Variants in DMXL1 observed in about 807,000 individuals in gnomAD.
DMXL1 encodes Dmx like 1.
DMXL1 carries 99 observed loss-of-function variants against 319.2 expected under a neutral mutation model. The observed-to-expected ratio is 0.31, with a 90% CI of 0.26 to 0.37. DMXL1 has a LOEUF of 0.37. Ranked by LOEUF, DMXL1 falls within the 10% of genes least tolerant of loss-of-function variation. DMXL1 has a pLI of 1.00. For missense variants in DMXL1, 3,745 were observed against 3,595.6 expected (o/e 1.04, Z -1.06); for synonymous variants, 1,385 against 1,235.2 (o/e 1.12, Z -2.54).
intron 34 of DMXL1, among the ~76,000 whole-genome samples, chr5:119,212,191 C>A (rs1348767323): frequency 6.6e-6 from 1 of 152,168 alleles, no homozygotes; most frequent in African/African-American, 2.4e-5. Flanking sequence ...AACTTTGTGC[C>A]CGCTAAACAA....
In DMXL1 at chr5:119,134,342, A is replaced by T. The variant is rs747540093; in HGVS notation, c.2329A>T (p.Ile777Phe). ...GQYLRLYEAVIDAKKLLSELS... is the reference protein window; with the variant it reads ...GQYLRLYEAVFDAKKLLSELS... ...ATATCTGAGATTATATGAAGCAGTT[A>T]TTGATGCTAAGAAACTTTTATCTGA... The change falls in exon 13 of 44, where the codon ATT becomes TTT. Residue 777 changes from isoleucine (I) to phenylalanine (F), a missense_variant. Physicochemically the swap from Ile to Phe is conservative, Grantham distance 21. Transcript: ENST00000539542. The T allele has an allele frequency of 1.2e-6, 2 of 1,613,756 alleles. No homozygotes were observed. Among genetic ancestry groups the T allele is most frequent in the Non-Finnish European group, 1.7e-6 (2 of 1,179,874 alleles).
chr5:119,157,151 C>A (rs1414367337), intron 19 of DMXL1, among the ~76,000 whole-genome samples: 1 of 152,078 alleles, frequency 6.6e-6, no homozygotes, highest in African/African-American at 2.4e-5. Context: ...TTGTGCCTGG[C>A]ATGCCTATTT....
chr5:119,196,576 A>AAGTTAGAT (rs1193857249), intron 31 of DMXL1, 120 bp downstream of exon 31: 64 of 697,860 alleles, frequency 9.2e-5, no homozygotes, highest in Non-Finnish European at 1.4e-4. Flanking sequence ...CCTGTTACAG[A>AAGTTAGAT]AGTTAGATTT....
chr5:119,078,510 G>A (rs1244867086), intron 1 of DMXL1, among the ~76,000 whole-genome samples: 1 of 152,182 alleles, frequency 6.6e-6, no homozygotes, highest in Non-Finnish European at 1.5e-5. Context: ...GAGTGCAGTT[G>A]TGGGATCACA....
rs79928338 is a variant in DMXL1, at chr5:119,129,269, C to T, written c.1161C>T (p.Thr387=). Residue 387 remains threonine (T), a synonymous_variant, in exon 10 of 44, where the codon ACC becomes ACT. Transcript: ENST00000539542. The stretch of plus-strand genomic sequence containing the variant: ...GTCTAAATGAAAATGAAGAGAAGAC[C>T]GGACCTTTTGTTGTACACTGGCTAA... ...SLSLNENEEK[T]GPFVVHWLNN... 4,221 of 1,613,380 alleles carry T rather than the reference C, an allele frequency of 2.6e-3. 84 individuals are homozygous for T. The African/African-American group carries it at 0.048, about 18-fold the overall frequency.
intron 38 of DMXL1, among the ~76,000 whole-genome samples, chr5:119,225,690 C>T (rs1217943867): frequency 6.6e-6 from 1 of 151,986 alleles, no homozygotes; most frequent in Non-Finnish European, 1.5e-5. Flanking sequence ...GTACGCTGTA[C>T]GAAACAAGGC....
intron 1 of DMXL1, among the ~76,000 whole-genome samples, chr5:119,075,004 G>T (rs1040372917): frequency 4.6e-5 from 7 of 152,114 alleles, no homozygotes; most frequent in African/African-American, 1.7e-4. Context: ...GTGCTAAGCT[G>T]TAAGTCCATG....
rs1344941116 is a variant in DMXL1, at chr5:119,148,984, C to T, written c.3157C>T (p.His1053Tyr). 6.2e-7 allele frequency: 1 copy of T among 1,613,830 alleles called. No homozygotes were observed. The highest frequency in any genetic ancestry group is 8.5e-7 in the Non-Finnish European group (1 of 1,179,884). ...PGRPVEVSCAHTNRLAVAYKQ... is the reference protein window; with the variant it reads ...PGRPVEVSCAYTNRLAVAYKQ... ...TAGGCCTGTAGAAGTTAGCTGTGCA[C>T]ATACAAATCGTTTAGCAGTAGCTTA... Residue 1053 changes from histidine (H) to tyrosine (Y), a missense_variant, in exon 18 of 44, where the codon CAT (histidine) becomes TAT (tyrosine). Around this residue, in one of 4 missense-constraint regions of DMXL1, gnomAD observed 2,096 missense variants for 1,985.4 expected, o/e 1.06. Transcript: ENST00000539542.
At chr5:119,199,249 T>A (rs1025027635) in intron 32 of DMXL1, among the ~76,000 whole-genome samples, 6 of 152,128 alleles carry the variant, frequency 3.9e-5, no homozygotes, top group African/African-American at 7.2e-5. Flanking sequence ...TAGACCCCAC[T>A]GTCTGTTGTT....
chr5:119,246,423 T>G (rs1789772398), intron 43 of DMXL1, among the ~76,000 whole-genome samples: 1 of 152,158 alleles, frequency 6.6e-6, no homozygotes, highest in African/African-American at 2.4e-5. Flanking sequence ...CTTAACCTCC[T>G]TGTTACCTAC....
intron 12 of DMXL1, 38 bp from the exon 13 acceptor site, chr5:119,134,230 C>T (rs774345973): frequency 1.2e-6 from 2 of 1,605,008 alleles, no homozygotes; most frequent in Non-Finnish European, 1.7e-6. Context: ...ACATTATCAT[C>T]AAAGGGTGAA....
rs961692999 is a variant in DMXL1, at chr5:119,105,297, C to T, written c.364+39C>T. The T allele has an allele frequency of 2.7e-6, 4 of 1,481,464 alleles. No individual in the cohort carries two copies. The African/African-American group carries it at 4.2e-5, about 15-fold the overall frequency. 91.8% of individuals were successfully genotyped at this position (1,481,464 alleles called of 1,614,324 possible). Reference sequence around the variant, plus strand: ...CAGGATTAACTAAAATGAAATATCACTTGCCTAGTTGTTCTTATTTTTATT... The same window carrying T: ...CAGGATTAACTAAAATGAAATATCATTTGCCTAGTTGTTCTTATTTTTATT... On this transcript the variant is annotated intron_variant, in intron 4 of 43. Coordinates refer to ENST00000539542, the MANE Select transcript of DMXL1 (RefSeq NM_001290321.3).
intron 38 of DMXL1, among the ~76,000 whole-genome samples, chr5:119,225,955 T>C (rs1581430709): frequency 6.6e-6 from 1 of 152,184 alleles, no homozygotes; most frequent in Admixed American, 6.5e-5. Context: ...ATACTTGATA[T>C]TGCTTAAAAC....
intron 39 of DMXL1, among the ~76,000 whole-genome samples, chr5:119,234,176 C>G (rs1222326428): frequency 3.3e-5 from 5 of 152,124 alleles, no homozygotes; most frequent in African/African-American, 1.2e-4. Flanking sequence ...AACTGCCCCC[C>G]TCCCCACTTT....
In DMXL1 at chr5:119,198,586, C is replaced by G. The variant is rs942228322; in HGVS notation, c.7745+630C>G. Among the ~76,000 whole-genome samples, 3 of 152,102 alleles carry G rather than the reference C, an allele frequency of 2.0e-5. No homozygotes were observed. The South Asian group carries it at 6.2e-4, about 32-fold the overall frequency. ...AGCAGTCAACAGATTCAGCACAATT[C>G]CTGTCAAATTACCAACATCATTCTT... On this transcript the variant is annotated intron_variant, in intron 32 of 43. Transcript: ENST00000539542.
At chr5:119,192,346 C>G (rs1205498787) in intron 29 of DMXL1, among the ~76,000 whole-genome samples, 2 of 152,086 alleles carry the variant, frequency 1.3e-5, no homozygotes, top group Non-Finnish European at 2.9e-5. Context: ...CAGTTCTCTT[C>G]CTCTCTGTTG....
At chr5:119,133,017 G>A (rs549129646) in intron 10 of DMXL1, 115 bp from the exon 11 acceptor site, 11 of 1,139,576 alleles carry the variant, frequency 9.7e-6, no homozygotes, top group Middle Eastern at 2.8e-4. Context: ...GAGCTTCCAT[G>A]CTCTCCTTAG....
rs111871833 is a variant in DMXL1, at chr5:119,092,769, A to G, written c.88-5210A>G. Among the ~76,000 whole-genome samples the G allele has an allele frequency of 3.1e-3, 467 of 152,356 alleles. 3 individuals carry two copies. Among genetic ancestry groups the G allele is most frequent in the African/African-American group, 0.01 (433 of 41,590 alleles). On this transcript the variant is annotated intron_variant, in intron 1 of 43. Transcript: ENST00000539542. ...GATTTGTCTATTCTGGACATTTCAT[A>G]TAAGTGAAATAATAAAATATGTGGT...
In DMXL1 at chr5:119,118,922, G is replaced by C; in HGVS notation, c.851G>C (p.Ser284Thr). 1.2e-6 allele frequency: 2 copies of C among 1,613,864 alleles called. No individual in the cohort carries two copies. Among genetic ancestry groups the C allele is most frequent in the Non-Finnish European group, 1.7e-6 (2 of 1,179,870 alleles). The part of the protein sequence containing the change: ...NDCLLYGGDC[S>T]HWTESINLTN... Reference sequence around the variant, plus strand: ...TGTTTGCTATACGGAGGTGACTGCAGCCATTGGACTGAATCAATTAATTTA... The same window carrying C: ...TGTTTGCTATACGGAGGTGACTGCACCCATTGGACTGAATCAATTAATTTA... Residue 284 changes from serine (S) to threonine (T), a missense_variant, in exon 8 of 44, where the codon AGC (serine) becomes ACC (threonine). Ser to Thr is a moderately conservative substitution (Grantham distance 58, BLOSUM62 1). Around this residue, in one of 4 missense-constraint regions of DMXL1, gnomAD observed 2,096 missense variants for 1,985.4 expected, o/e 1.06. Transcript: ENST00000539542.
Sources: gnomAD v4.1 joint callset for allele counts (sites outside exome capture counted in the v4.1 genomes callset) on GRCh38, gnomAD v4.1.1 for gene constraint, gnomAD v4.1.1 regional missense constraint, MANE v1.5 for transcripts, NCBI Gene and HGNC (gene_info 2026-07-23, HGNC 2026-07-21) for gene names.